Variants in MED17 observed in about 807,000 individuals in gnomAD.
MED17 encodes the protein mediator complex subunit 17, also known as mediator of RNA polymerase II transcription subunit 17.
Under a neutral mutation model 80.8 loss-of-function variants are expected in MED17, and 49 were observed. The observed-to-expected ratio is 0.61, with a 90% confidence interval of 0.48 to 0.77. MED17 has a LOEUF of 0.77. Among genes scored for constraint, MED17 ranks in the 30% least tolerant of loss-of-function variants. The probability of loss-of-function intolerance (pLI) is 0.00; values close to 1 mark genes in which losing one functional copy is unlikely to be tolerated. For synonymous variants in MED17, 281 were observed against 280.4 expected, an observed-to-expected ratio of 1.00 and a Z score of -0.02; for missense variants, 718 against 787.0, an observed-to-expected ratio of 0.91 and a Z score of 1.05.
At position 93,814,445 on chromosome 11, in the gene MED17, G is replaced by T. The variant is rs1320876630; in HGVS notation, c.*2381G>T. ...AGAAAACCAATTAGCCCCTCAACAA[G>T]TATTAACAGGTTGGCAAGGAGCTGT... On this transcript the variant is annotated 3_prime_UTR_variant, in exon 12 of 12. Transcript: ENST00000251871. 1 of 152,192 alleles carries T rather than the reference G, an allele frequency of 6.6e-6. No homozygotes were observed. Among genetic ancestry groups the T allele is most frequent in the Non-Finnish European group, 1.5e-5 (1 of 68,028 alleles). The allele number at this position is 152,192 out of a possible 1,614,324, so 9.4% of individuals were successfully genotyped here.
intron 10 of MED17, chr11:93,809,326 C>A: frequency 3.1e-6 from 1 of 323,664 alleles, no homozygotes; most frequent in Non-Finnish European, 6.0e-6. Flanking sequence ...CAGCCCAAAG[C>A]CAGAGGATGT....
chr11:93,814,058 C>T lies in MED17; in HGVS notation c.*1994C>T, dbSNP rs545537106. ...TCTGAATGCTTTATTTTTTATTTCT[C>T]TGCTTGTCATGAATCAGTAACAAAT... On this transcript the variant is annotated 3_prime_UTR_variant, in exon 12 of 12. Transcript: ENST00000251871. The T allele has an allele frequency of 1.3e-5, 2 of 152,302 alleles. No homozygotes were observed. Among genetic ancestry groups the T allele is most frequent in the Admixed American group, 1.3e-4 (2 of 15,294 alleles). 9.4% of individuals were successfully genotyped at this position (152,302 alleles called of 1,614,324 possible).
intron 9 of MED17, among the ~76,000 whole-genome samples, chr11:93,804,201 T>A (rs1007392423): frequency 6.6e-6 from 1 of 151,814 alleles, no homozygotes; most frequent in African/African-American, 2.4e-5. Flanking sequence ...GCAAGAAGCA[T>A]CCAGCACGAG....
intron 5 of MED17, 157 bp from the exon 6 acceptor site, chr11:93,794,750 AT>A: frequency 1.3e-6 from 1 of 766,962 alleles, no homozygotes; most frequent in Non-Finnish European, 2.1e-6. Context: ...GGCATTGGCA[AT>A]TTTTGACAGT....
At chr11:93,784,833 C>T in intron 1 of MED17, 70 bp downstream of exon 1, 1 of 1,523,594 alleles carries the variant, frequency 6.6e-7, no homozygotes, top group South Asian at 1.2e-5. Context: ...TCCGCCTCTC[C>T]CGCGATGGGG....
chr11:93,812,023 A>G lies in MED17; in HGVS notation c.1915A>G (p.Met639Val). 4 of 1,614,120 alleles carry G rather than the reference A, an allele frequency of 2.5e-6. No homozygotes were observed. Among genetic ancestry groups the G allele is most frequent in the Non-Finnish European group, 3.4e-6 (4 of 1,179,998 alleles). Residue 639 changes from methionine (M) to valine (V), a missense_variant, in exon 12 of 12, where the codon ATG becomes GTG. Coordinates refer to ENST00000251871, the MANE Select transcript of MED17 (RefSeq NM_004268.5). ...GGAAGGTCGAAATTTTGTTTATAAAATGGAGCTGCTTATGTCTGCACTTAG... is the reference window on the plus strand; with the variant it reads ...GGAAGGTCGAAATTTTGTTTATAAAGTGGAGCTGCTTATGTCTGCACTTAG... ...KMEGRNFVYK[M>V]ELLMSALSPC... is the part of the protein sequence containing the mutation.
intron 10 of MED17, 68 bp from the exon 11 acceptor site, chr11:93,809,649 G>A (rs1944065939): frequency 1.9e-6 from 3 of 1,551,060 alleles, no homozygotes; most frequent in Non-Finnish European, 2.7e-6. Flanking sequence ...TTTACTTCAT[G>A]GTCGTGATGT....
At chr11:93,808,842 TA>T (rs1944057231) in intron 10 of MED17, 1 of 152,230 alleles carries the variant, frequency 6.6e-6, no homozygotes, top group Non-Finnish European at 1.5e-5. Flanking sequence ...TGCAAATGGA[TA>T]GGGATCAAAG....
chr11:93,797,209 T>G (rs2135715334), intron 7 of MED17: 3 of 283,882 alleles, frequency 1.1e-5, no homozygotes, highest in Non-Finnish European at 1.3e-5. Flanking sequence ...AATTAAAGCT[T>G]GAGATCCTTT....
intron 6 of MED17, 45 bp downstream of exon 6, chr11:93,795,105 T>C (rs184952920): frequency 6.2e-7 from 1 of 1,604,846 alleles, no homozygotes; most frequent in African/African-American, 1.3e-5. Flanking sequence ...ACTTTGTGTT[T>C]TGGGGGACTA....
chr11:93,810,190 G>A (rs1296163920), intron 11 of MED17: 1 of 344,006 alleles, frequency 2.9e-6, no homozygotes, highest in Non-Finnish European at 5.6e-6. Context: ...ATATACTGCT[G>A]TAAACATGGG....
chr11:93,784,929 A>G (rs757259986), intron 1 of MED17, 166 bp downstream of exon 1: 9 of 975,576 alleles, frequency 9.2e-6, no homozygotes, highest in Non-Finnish European at 1.3e-5. Flanking sequence ...TTGCTGCCGG[A>G]CAAGGTAGGA....
intron 3 of MED17, 36 bp from the exon 4 acceptor site, chr11:93,793,692 C>T (rs1565289744): frequency 1.4e-6 from 2 of 1,405,562 alleles, no homozygotes; most frequent in South Asian, 1.2e-5. Context: ...AATATGTTAA[C>T]TGTTTTATAT....
chr11:93,802,528 T>C (rs1041215282), intron 9 of MED17, among the ~76,000 whole-genome samples: 2 of 152,198 alleles, frequency 1.3e-5, no homozygotes, highest in Non-Finnish European at 2.9e-5. Context: ...ATGTCACATA[T>C]TTGAGCTGGG....
rs1943825525 is a variant in MED17, at chr11:93,790,693, A to G, written c.537A>G (p.Leu179=). 1 of 1,614,274 alleles carries G rather than the reference A, an allele frequency of 6.2e-7. No homozygotes were observed. Among genetic ancestry groups the G allele is most frequent in the Non-Finnish European group, 8.5e-7 (1 of 1,180,046 alleles). ...KSVTENQENK[L]QRDFNSELLR... ...TTACCGAAAACCAAGAAAACAAGCTACAAAGAGACTTCAATTCTGAGCTTT... is the reference window on the plus strand; with the variant it reads ...TTACCGAAAACCAAGAAAACAAGCTGCAAAGAGACTTCAATTCTGAGCTTT... Residue 179 remains leucine (L), a synonymous_variant, in exon 3 of 12, where the codon CTA becomes CTG. Coordinates refer to ENST00000251871, the MANE Select transcript of MED17 (RefSeq NM_004268.5).
At position 93,794,158 on chromosome 11, in the gene MED17, T is replaced by A. The variant is rs969847794; in HGVS notation, c.859+123T>A. On this transcript the variant is annotated intron_variant, in intron 5 of 11. Transcript: ENST00000251871. ...GAAGTAAGAACAATTCAAAATATAC[T>A]TCTAAAATTTATCAATAAACTATTA... 4 of 767,942 alleles carry A rather than the reference T, an allele frequency of 5.2e-6. No homozygotes were observed. The African/African-American group carries it at 7.2e-5, about 14-fold the overall frequency. 47.6% of individuals were successfully genotyped at this position (767,942 alleles called of 1,614,324 possible).
chr11:93,809,685 A>T, intron 10 of MED17, 32 bp from the exon 11 acceptor site: 6 of 1,613,226 alleles, frequency 3.7e-6, no homozygotes, highest in Non-Finnish European at 5.1e-6. Flanking sequence ...ATCTCTGCTG[A>T]CTGTCAGTCA....
At chr11:93,793,387 G>T in intron 3 of MED17, 1 of 257,476 alleles carries the variant, frequency 3.9e-6, no homozygotes, top group South Asian at 4.2e-5. Context: ...AAAGTGCTGG[G>T]ATTACAGGCA....
chr11:93,790,416 G>A (rs2135711079), intron 2 of MED17, 158 bp from the exon 3 acceptor site: 1 of 692,176 alleles, frequency 1.4e-6, no homozygotes, highest in Admixed American at 2.6e-5. Context: ...GTTGGACAAA[G>A]AAATAGGTTA....
Sources: allele counts gnomAD v4.1 joint callset (sites outside exome capture counted in the v4.1 genomes callset), GRCh38; gene constraint gnomAD v4.1.1; transcripts MANE v1.5; gene names NCBI Gene and HGNC (gene_info 2026-07-23, HGNC 2026-07-21).